The following GEMIN7 variants were observed in gnomAD, a reference collection of about 807,000 sequenced individuals.
GEMIN7 encodes gem-associated protein 7.
GEMIN7 carries 7 observed loss-of-function variants against 7.8 expected under a neutral mutation model. That is an observed-to-expected ratio of 0.90 (90% CI 0.51 to 1.69). The LOEUF (loss-of-function observed/expected upper bound fraction) is 1.69. Among genes scored for constraint, GEMIN7 ranks in the 40% most tolerant of loss-of-function variants. GEMIN7 has a pLI of 0.00. For synonymous variants in GEMIN7, 68 were observed against 72.4 expected, an observed-to-expected ratio of 0.94 and a Z score of 0.31; for missense variants, 159 against 176.2, an observed-to-expected ratio of 0.90 and a Z score of 0.55.
At chr19:45,085,761 A>C (rs2066172498) in intron 2 of GEMIN7, 1 of 151,812 alleles carries the variant, frequency 6.6e-6, no homozygotes, top group African/African-American at 2.4e-5. Flanking sequence ...AGCCTGACCA[A>C]CATGGTGAAA....
At chr19:45,077,685 C>A (rs1247434428), upstream of GEMIN7, among the ~76,000 whole-genome samples, 1 of 152,086 alleles carries the variant, frequency 6.6e-6, no homozygotes, top group African/African-American at 2.4e-5. Context: ...CCCTGACCAA[C>A]AGTATCTAAA....
upstream of GEMIN7, among the ~76,000 whole-genome samples, chr19:45,078,079 C>T (rs1352136396): frequency 6.8e-6 from 1 of 147,372 alleles, no homozygotes; most frequent in African/African-American, 2.5e-5. Flanking sequence ...CCCACTATCC[C>T]ATTGCCCTTA....
chr19:45,077,760 CTCTTGGA>C (rs1390623004), upstream of GEMIN7, among the ~76,000 whole-genome samples: 1 of 152,164 alleles, frequency 6.6e-6, no homozygotes, highest in East Asian at 1.9e-4. Context: ...CCCCAGTTCC[CTCTTGGA>C]TCTCACTTTC....
intron 2 of GEMIN7, among the ~76,000 whole-genome samples, chr19:45,089,129 G>A (rs974542375): frequency 8.6e-5 from 13 of 151,672 alleles, no homozygotes; most frequent in Non-Finnish European, 1.3e-4. Context: ...TTTGGTAGAG[G>A]CGGGGTTTCG....
upstream of GEMIN7, chr19:45,076,514 C>G: frequency 1.7e-6 from 1 of 585,078 alleles, no homozygotes; most frequent in South Asian, 8.8e-5. This position sits in a 1 kb window ranked among gnomAD's most constrained non-coding sequence, Gnocchi z 4.9. Context: ...ACGTGCTGGC[C>G]GGGCCCGTGG....
Position 45,090,469 on chromosome 19 carries a change from C to T in GEMIN7, c.355C>T (p.Leu119Phe), listed in dbSNP as rs1967860711. The change falls in exon 3 of 3, where the codon CTC becomes TTC. Residue 119 changes from leucine to phenylalanine, a missense_variant. Leu to Phe is a conservative substitution (Grantham distance 22, BLOSUM62 0). Coordinates refer to ENST00000270257, the MANE Select transcript of GEMIN7 (RefSeq NM_024707.3). Reference protein sequence around the residue: ...TPIGVQAEALLRCSDIISYTF... With the variant: ...TPIGVQAEALFRCSDIISYTF... Reference sequence around the variant, plus strand: ...CATAGGTGTGCAAGCAGAGGCGCTGCTCCGATGTAGTGACATTATTTCATA... The same window carrying T: ...CATAGGTGTGCAAGCAGAGGCGCTGTTCCGATGTAGTGACATTATTTCATA... 2.5e-6 allele frequency: 4 copies of T among 1,613,492 alleles called. No homozygotes were observed. The East Asian group carries it at 8.9e-5, about 36-fold the overall frequency.
At chr19:45,075,943 G>T, upstream of GEMIN7, 3 of 1,594,490 alleles carry the variant, frequency 1.9e-6, no homozygotes, top group South Asian at 2.2e-5. Context: ...GGAAACCGAA[G>T]GTCAGAAGGG....
upstream of GEMIN7, chr19:45,075,692 A>G: frequency 6.2e-7 from 1 of 1,610,706 alleles, no homozygotes; most frequent in Non-Finnish European, 8.5e-7. Context: ...TGAGAGGGGG[A>G]CTGCACCCGG....
chr19:45,079,665 A>G (rs1214974658), intron 1 of GEMIN7, among the ~76,000 whole-genome samples: 4 of 152,310 alleles, frequency 2.6e-5, no homozygotes, highest in East Asian at 1.9e-4. Flanking sequence ...TGGGGAGTGG[A>G]CGCCTGGGGG....
chr19:45,090,516 T>A lies in GEMIN7; in HGVS notation c.*6T>A, dbSNP rs562330592. ...CATATACCTTCAAGCCATAAAGATA[T>A]TGTGTTCACTTTTCTGCTTGAGGCT... On this transcript the variant is annotated 3_prime_UTR_variant, in exon 3 of 3. Transcript: ENST00000270257. 2.5e-6 allele frequency: 4 copies of A among 1,598,018 alleles called. No individual in the cohort carries two copies. The highest frequency in any genetic ancestry group is 3.4e-6 in the Non-Finnish European group (4 of 1,167,856).
At chr19:45,075,699 C>T (rs759911878), upstream of GEMIN7, 2 of 1,612,554 alleles carry the variant, frequency 1.2e-6, no homozygotes, top group South Asian at 2.2e-5. Context: ...GGGACTGCAC[C>T]CGGCTTTACT....
upstream of GEMIN7, among the ~76,000 whole-genome samples, chr19:45,077,337 C>T (rs1182972330): frequency 6.6e-6 from 1 of 152,128 alleles, no homozygotes; most frequent in Non-Finnish European, 1.5e-5. Context: ...CCATTAAAAC[C>T]AAATAGCCAA....
chr19:45,089,271 T>A (rs987592924), intron 2 of GEMIN7, among the ~76,000 whole-genome samples: 2 of 152,200 alleles, frequency 1.3e-5, no homozygotes, highest in Non-Finnish European at 2.9e-5. Flanking sequence ...TCTATTCCTT[T>A]TATATTTATT....
chr19:45,080,758 G>GT (rs199542404), intron 2 of GEMIN7, among the ~76,000 whole-genome samples: 36,864 of 118,844 alleles, frequency 0.31, 6,061 homozygotes, highest in Non-Finnish European at 0.36. Context: ...AATCTCCCTT[G>GT]TTTTTTGTTT....
Position 45,090,732 on chromosome 19 carries a change from A to G in GEMIN7, c.*222A>G, listed in dbSNP as rs1967869862. 1 of 566,848 alleles carries G rather than the reference A, an allele frequency of 1.8e-6. No individual in the cohort carries two copies. Among genetic ancestry groups the G allele is most frequent in the Admixed American group, 3.1e-5 (1 of 31,820 alleles). The allele number at this position is 566,848 out of a possible 1,614,324, so 35.1% of individuals were successfully genotyped here. A position where few individuals can be genotyped will look rare whatever the true frequency, so the allele number is the denominator to read the frequency against. On this transcript the variant is annotated 3_prime_UTR_variant, in exon 3 of 3. Transcript: ENST00000270257. ...CCCATTGGAAGGAATGCTCTACCTC[A>G]CAGAACTCTGAACCCTACAGAAATA...
upstream of GEMIN7, chr19:45,076,137 G>A (rs763866661): frequency 7.1e-6 from 11 of 1,557,268 alleles, no homozygotes; most frequent in South Asian, 1.1e-4. This position sits in a 1 kb window ranked among gnomAD's most constrained non-coding sequence, Gnocchi z 4.9. Context: ...CGAGGGCGAG[G>A]AGGGCGGCCC....
At chr19:45,083,943 G>A (rs1037804913) in intron 2 of GEMIN7, among the ~76,000 whole-genome samples, 15 of 151,918 alleles carry the variant, frequency 9.9e-5, no homozygotes, top group Non-Finnish European at 1.5e-4. Context: ...GGGCACGGTG[G>A]CTCACGCCTG....
chr19:45,089,271 T>C (rs987592924), intron 2 of GEMIN7, among the ~76,000 whole-genome samples: 1 of 152,200 alleles, frequency 6.6e-6, no homozygotes, highest in Non-Finnish European at 1.5e-5. Context: ...TCTATTCCTT[T>C]TATATTTATT....
chr19:45,090,289 C>T lies in GEMIN7; in HGVS notation c.175C>T (p.Arg59Ter), dbSNP rs773515981. 3.1e-6 allele frequency: 5 copies of T among 1,614,032 alleles called. No individual in the cohort carries two copies. The highest frequency in any genetic ancestry group is 4.2e-6 in the Non-Finnish European group (5 of 1,180,040). Residue 59 changes from arginine (R) to a stop codon, truncating the protein, a stop_gained, in exon 3 of 3, where the codon CGA becomes TGA. Transcript: ENST00000270257. LOFTEE classifies it high-confidence loss of function. Reference protein sequence around the residue: ...ESLESQEQRARAALRERYLRS... With the variant: ...ESLESQEQRA Reference sequence around the variant, plus strand: ...CCTGGAATCCCAGGAGCAGCGGGCACGAGCCGCCCTTCGGGAGCGTTACCT... The same window carrying T: ...CCTGGAATCCCAGGAGCAGCGGGCATGAGCCGCCCTTCGGGAGCGTTACCT...
Sources: allele counts gnomAD v4.1 joint callset (sites outside exome capture counted in the v4.1 genomes callset), GRCh38; gene constraint gnomAD v4.1.1; non-coding constraint Gnocchi (gnomAD v3.1); transcripts MANE v1.5; gene names NCBI Gene and HGNC (gene_info 2026-07-23, HGNC 2026-07-21).